The following PEX14 variants were observed in gnomAD, a reference collection of about 807,000 sequenced individuals.
PEX14 encodes peroxisomal membrane protein PEX14.
A neutral mutation model predicts 49.5 loss-of-function variants in PEX14; 15 were observed. The observed-to-expected ratio is 0.30, with a 90% CI of 0.20 to 0.47. The LOEUF is 0.47. Ranked by LOEUF, PEX14 falls within the 20% of genes least tolerant of loss-of-function variation. The pLI, the probability that PEX14 is intolerant of heterozygous loss-of-function variation, is 1.00. For missense variants in PEX14, 398 were observed against 494.8 expected (o/e 0.80, Z 1.86); for synonymous variants, 210 against 212.7 (o/e 0.99, Z 0.11).
chr1:10,627,661 A>G (rs1309978899), intron 8 of PEX14, among the ~76,000 whole-genome samples: 1 of 152,184 alleles, frequency 6.6e-6, no homozygotes, highest in Non-Finnish European at 1.5e-5. Flanking sequence ...AGCAGAGGAG[A>G]ACTTCCTGGT....
intron 4 of PEX14, among the ~76,000 whole-genome samples, 171 bp from the exon 5 acceptor site, chr1:10,618,161 G>A (rs1641480945): frequency 6.6e-6 from 1 of 152,220 alleles, no homozygotes; most frequent in Non-Finnish European, 1.5e-5. Flanking sequence ...AACAGGAGGG[G>A]TGGAGCCGGC....
intron 6 of PEX14, 77 bp from the exon 7 acceptor site, chr1:10,624,263 C>G (rs1473676566): frequency 3.3e-6 from 3 of 918,514 alleles, no homozygotes; most frequent in Non-Finnish European, 5.5e-6. Flanking sequence ...ACGGGCAGCT[C>G]CGAGGTGTGC....
chr1:10,561,973 A>C (rs1169587310), intron 3 of PEX14, among the ~76,000 whole-genome samples: 1 of 152,098 alleles, frequency 6.6e-6, no homozygotes, highest in African/African-American at 2.4e-5. Flanking sequence ...CACTCTGGCT[A>C]TCTTCCTGCC....
At chr1:10,587,824 A>G (rs1025213253) in intron 3 of PEX14, among the ~76,000 whole-genome samples, 2 of 151,410 alleles carry the variant, frequency 1.3e-5, no homozygotes, top group African/African-American at 2.4e-5. Context: ...ATAGCAAGGT[A>G]TAGAACAGCA....
At position 10,625,450 on chromosome 1, in the gene PEX14, G is replaced by C. The variant is rs534106386; in HGVS notation, c.585+1013G>C. 5.9e-4 allele frequency among the ~76,000 whole-genome samples: 90 copies of C among 152,258 alleles called. 1 individual carries two copies. Among genetic ancestry groups the C allele is most frequent in the Non-Finnish European group, 7.5e-4 (51 of 68,046 alleles). ...ACGAGTTGGCTTGAGCCAGCACTCAGATCTTTTGCATTTGCAAAAACCATG... is the reference window on the plus strand; with the variant it reads ...ACGAGTTGGCTTGAGCCAGCACTCACATCTTTTGCATTTGCAAAAACCATG... On this transcript the variant is annotated intron_variant, in intron 7 of 8. Transcript: ENST00000356607.
At chr1:10,556,895 G>C (rs1164288503) in intron 3 of PEX14, among the ~76,000 whole-genome samples, 1 of 152,054 alleles carries the variant, frequency 6.6e-6, no homozygotes, top group African/African-American at 2.4e-5. Flanking sequence ...GAGGCACCTG[G>C]AAGAATCTGT....
At chr1:10,532,533 A>T (rs376887383) in intron 2 of PEX14, among the ~76,000 whole-genome samples, 1 of 152,168 alleles carries the variant, frequency 6.6e-6, no homozygotes, top group South Asian at 2.1e-4. Flanking sequence ...CGCTGATTCC[A>T]TATTTATCAC....
chr1:10,572,577 C>T (rs911861674), intron 3 of PEX14, among the ~76,000 whole-genome samples: 2 of 152,192 alleles, frequency 1.3e-5, no homozygotes, highest in Admixed American at 1.3e-4. Flanking sequence ...TGCTGTCACC[C>T]AGGCTGGAGT....
chr1:10,527,074 C>T (rs189611169), intron 2 of PEX14, among the ~76,000 whole-genome samples: 5 of 151,278 alleles, frequency 3.3e-5, no homozygotes, highest in African/African-American at 7.3e-5. Flanking sequence ...ATTAGCCAAG[C>T]GTGGTGGCAT....
At chr1:10,499,200 T>C (rs1361382613) in intron 2 of PEX14, among the ~76,000 whole-genome samples, 1 of 152,258 alleles carries the variant, frequency 6.6e-6, no homozygotes, top group Non-Finnish European at 1.5e-5. Context: ...GATTTACACA[T>C]CTGCTCACTT....
Position 10,623,980 on chromosome 1 carries a change from C to A in PEX14, c.488-360C>A, listed in dbSNP as rs57478012. 0.013 allele frequency among the ~76,000 whole-genome samples: 1,943 copies of A among 152,176 alleles called. 49 individuals are homozygous for A. Among genetic ancestry groups the A allele is most frequent in the African/African-American group, 0.045 (1,855 of 41,504 alleles). On this transcript the variant is annotated intron_variant, in intron 6 of 8. Transcript: ENST00000356607. The surrounding 1 kb of genome is among the most constrained non-coding windows in gnomAD (Gnocchi z 4.4). ...GATGCATCTCTCCCAGCATTGGAGA[C>A]CCCAGGAGTTTCACAAGGACACTGA... is the stretch of plus-strand genomic sequence containing the variant.
At chr1:10,481,115 GTC>G (rs1205821332) in intron 1 of PEX14, among the ~76,000 whole-genome samples, 1 of 148,148 alleles carries the variant, frequency 6.8e-6, no homozygotes, top group African/African-American at 2.5e-5. Flanking sequence ...TGTCTCTTTA[GTC>G]TTTTTTTTTT....
At chr1:10,627,439 G>T (rs1245754191) in intron 8 of PEX14, 76 bp downstream of exon 8, 3 of 1,038,602 alleles carry the variant, frequency 2.9e-6, no homozygotes, top group Admixed American at 1.7e-5. Context: ...CATGGGAGGG[G>T]CATGACGCCC....
rs1641886774 is a variant in PEX14, at chr1:10,630,283, C to A, written c.*296C>A. On this transcript the variant is annotated 3_prime_UTR_variant, in exon 9 of 9. Coordinates refer to ENST00000356607, the MANE Select transcript of PEX14 (RefSeq NM_004565.3). The surrounding 1 kb of genome is among the most constrained non-coding windows in gnomAD (Gnocchi z 4.1). ...AAGCCTCGGGGCCCAAGCCCCTCCCCAGCCCCCTCTCCCGGACAGACGCCT... is the reference window on the plus strand; with the variant it reads ...AAGCCTCGGGGCCCAAGCCCCTCCCAAGCCCCCTCTCCCGGACAGACGCCT... 1.9e-6 allele frequency: 1 copy of A among 539,778 alleles called. No homozygotes were observed. The highest frequency in any genetic ancestry group is 3.1e-5 in the Admixed American group (1 of 31,836). 33.4% of individuals were successfully genotyped at this position (539,778 alleles called of 1,614,324 possible).
intron 2 of PEX14, among the ~76,000 whole-genome samples, chr1:10,520,897 T>C (rs958495537): frequency 2.0e-5 from 3 of 152,118 alleles, no homozygotes; most frequent in African/African-American, 7.2e-5. Flanking sequence ...GCTAATGATT[T>C]CTCTTCCAGC....
chr1:10,562,452 A>G lies in PEX14; in HGVS notation c.169+26155A>G, dbSNP rs576139648. 6.6e-5 allele frequency among the ~76,000 whole-genome samples: 10 copies of G among 152,300 alleles called. No individual in the cohort carries two copies. The South Asian group carries it at 1.5e-3, about 22-fold the overall frequency. On this transcript the variant is annotated intron_variant, in intron 3 of 8. Transcript: ENST00000356607. ...TCTTTACCCCCCTTAATTTGGAACA[A>G]TGTCCTGCAGTCTTCCTTTGTCTTT... is the stretch of plus-strand genomic sequence containing the variant.
intron 1 of PEX14, among the ~76,000 whole-genome samples, chr1:10,485,022 G>T (rs1641343496): frequency 6.6e-6 from 1 of 151,784 alleles, no homozygotes; most frequent in South Asian, 2.1e-4. Flanking sequence ...TTGAGTAGAA[G>T]GAACAGCACA....
At chr1:10,626,549 C>T (rs1641749846) in intron 7 of PEX14, among the ~76,000 whole-genome samples, 1 of 152,254 alleles carries the variant, frequency 6.6e-6, no homozygotes, top group Admixed American at 6.5e-5. Context: ...GTAAGCCAGC[C>T]AGCGGCCCAC....
intron 2 of PEX14, among the ~76,000 whole-genome samples, chr1:10,518,799 G>T (rs1335951434): frequency 6.6e-6 from 1 of 152,162 alleles, no homozygotes; most frequent in African/African-American, 2.4e-5. Flanking sequence ...GCATCTTTGG[G>T]CTCTTTACAG....
Sources: gnomAD v4.1 joint callset for allele counts (sites outside exome capture counted in the v4.1 genomes callset) on GRCh38, gnomAD v4.1.1 for gene constraint, Gnocchi (gnomAD v3.1) non-coding constraint, MANE v1.5 for transcripts, NCBI Gene and HGNC (gene_info 2026-07-23, HGNC 2026-07-21) for gene names.